Variants in PDE4D observed in about 807,000 individuals in gnomAD.
PDE4D encodes the protein 3',5'-cyclic-AMP phosphodiesterase 4D.
Under a neutral mutation model 87.4 loss-of-function variants are expected in PDE4D, and 24 were observed. That is an observed-to-expected ratio of 0.27 (90% CI 0.20 to 0.39). PDE4D has a LOEUF of 0.39. PDE4D is among the 10% of genes least tolerant of loss of function. The pLI is 1.00. For missense variants in PDE4D, 714 were observed against 1,041.0 expected (o/e 0.69, Z 4.32); for synonymous variants, 384 against 383.2 (o/e 1.00, Z -0.02).
intron 1 of PDE4D, among the ~76,000 whole-genome samples, chr5:59,315,030 G>T (rs1353424173): frequency 6.6e-6 from 1 of 152,134 alleles, no homozygotes; most frequent in African/African-American, 2.4e-5. Flanking sequence ...TAGCTCGTGT[G>T]TGGGGGCTTG....
At chr5:60,148,178 T>G (rs556408519) in intron 2 of PDE4D, among the ~76,000 whole-genome samples, 82 of 152,244 alleles carry the variant, frequency 5.4e-4, no homozygotes, top group Non-Finnish European at 9.0e-4. Context: ...CTAACTTTTT[T>G]GGGGGTGGGG....
chr5:59,781,812 A>AAAAG (rs1764662539), intron 1 of PDE4D, among the ~76,000 whole-genome samples: 1 of 151,326 alleles, frequency 6.6e-6, no homozygotes, highest in Non-Finnish European at 1.5e-5. Flanking sequence ...AAAAAAAAAA[A>AAAAG]AAATCAACTC....
chr5:59,642,329 T>C (rs1179142056), intron 1 of PDE4D, among the ~76,000 whole-genome samples: 4 of 152,160 alleles, frequency 2.6e-5, no homozygotes, highest in Admixed American at 2.6e-4. Flanking sequence ...ACAATATGTA[T>C]ATATTCTTAT....
At chr5:60,158,230 C>A (rs1238537061) in intron 2 of PDE4D, among the ~76,000 whole-genome samples, 1 of 152,152 alleles carries the variant, frequency 6.6e-6, no homozygotes, top group Non-Finnish European at 1.5e-5. Context: ...ATGGTATAGC[C>A]TAACACACAC....
chr5:59,545,681 T>C (rs1435714364), intron 1 of PDE4D, among the ~76,000 whole-genome samples: 3 of 152,184 alleles, frequency 2.0e-5, no homozygotes, highest in Non-Finnish European at 2.9e-5. Flanking sequence ...TTGAAGAACT[T>C]TGAAGAGCTA....
At chr5:60,037,340 A>AT (rs897082101) in intron 2 of PDE4D, among the ~76,000 whole-genome samples, 3 of 152,022 alleles carry the variant, frequency 2.0e-5, no homozygotes, top group East Asian at 1.9e-4. Flanking sequence ...AAGGATGAGC[A>AT]TTTTTTTTAT....
At chr5:60,456,979 G>A (rs368880419) in intron 1 of PDE4D, among the ~76,000 whole-genome samples, 1 of 152,086 alleles carries the variant, frequency 6.6e-6, no homozygotes, top group African/African-American at 2.4e-5. Flanking sequence ...CCATATACTA[G>A]TGAGCTAGTG....
At chr5:59,651,436 T>C (rs963191063) in intron 1 of PDE4D, among the ~76,000 whole-genome samples, 1 of 151,822 alleles carries the variant, frequency 6.6e-6, no homozygotes, top group Admixed American at 6.6e-5. Context: ...TTTTTTCTTT[T>C]CTTTAACACC....
chr5:59,107,667 G>A (rs1771847886), intron 5 of PDE4D, among the ~76,000 whole-genome samples: 1 of 152,158 alleles, frequency 6.6e-6, no homozygotes, highest in African/African-American at 2.4e-5. Context: ...ATTATAGAGG[G>A]TAAGAGTGGA....
At chr5:60,441,276 TAAC>T (rs1745186920) in intron 1 of PDE4D, among the ~76,000 whole-genome samples, 1 of 151,944 alleles carries the variant, frequency 6.6e-6, no homozygotes, top group Non-Finnish European at 1.5e-5. Flanking sequence ...GGCTCAGAAA[TAAC>T]ACCACACATC....
At chr5:60,322,200 T>C (rs1278358075) in intron 1 of PDE4D, among the ~76,000 whole-genome samples, 2 of 152,136 alleles carry the variant, frequency 1.3e-5, no homozygotes, top group African/African-American at 4.8e-5. Flanking sequence ...GTGCTATATA[T>C]ACACCATGGA....
intron 1 of PDE4D, among the ~76,000 whole-genome samples, chr5:59,435,835 T>C (rs1295741871): frequency 6.6e-6 from 1 of 152,198 alleles, no homozygotes; most frequent in African/African-American, 2.4e-5. Flanking sequence ...CTGAAATACA[T>C]TGGAAGTAGT....
At chr5:60,427,531 A>C (rs1286146465) in intron 1 of PDE4D, among the ~76,000 whole-genome samples, 1 of 152,026 alleles carries the variant, frequency 6.6e-6, no homozygotes, top group Non-Finnish European at 1.5e-5. Context: ...GAGAAAATTA[A>C]TCACCAGCAG....
intron 1 of PDE4D, among the ~76,000 whole-genome samples, chr5:59,404,437 T>C (rs1327473846): frequency 2.0e-5 from 3 of 152,124 alleles, no homozygotes; most frequent in Admixed American, 2.0e-4. Context: ...GGCAGGTATA[T>C]CACTTGAGGT....
intron 2 of PDE4D, among the ~76,000 whole-genome samples, chr5:59,200,744 T>C (rs114232798): frequency 0.013 from 1,903 of 148,792 alleles, 176 homozygotes; most frequent in African/African-American, 0.045. Flanking sequence ...TATATATACA[T>C]ACACACATAT....
At chr5:59,583,607 G>A (rs1182314459) in intron 1 of PDE4D, among the ~76,000 whole-genome samples, 4 of 152,302 alleles carry the variant, frequency 2.6e-5, no homozygotes, top group African/African-American at 4.8e-5. Context: ...CTTTTAGCAC[G>A]GAAGGGGTAG....
intron 1 of PDE4D, among the ~76,000 whole-genome samples, chr5:60,285,593 T>C (rs902092934): frequency 6.6e-6 from 1 of 151,762 alleles, no homozygotes; most frequent in Non-Finnish European, 1.5e-5. Flanking sequence ...ATTAAAAAAA[T>C]GAAATTTCAA....
intron 1 of PDE4D, among the ~76,000 whole-genome samples, chr5:60,379,372 G>A (rs570505442): frequency 1.0e-3 from 156 of 152,074 alleles, no homozygotes; most frequent in African/African-American, 3.6e-3. Context: ...ATTTTTAGCC[G>A]CAAGAGTTAC....
chr5:59,540,089 T>C (rs900273251), intron 1 of PDE4D, among the ~76,000 whole-genome samples: 5 of 152,092 alleles, frequency 3.3e-5, no homozygotes, highest in African/African-American at 4.8e-5. Flanking sequence ...ACCAGATAAT[T>C]TGCATCTCCA....
Sources: allele counts gnomAD v4.1 joint callset (sites outside exome capture counted in the v4.1 genomes callset), GRCh38; gene constraint gnomAD v4.1.1; transcripts MANE v1.5; gene names NCBI Gene and HGNC (gene_info 2026-07-23, HGNC 2026-07-21).